Variants in NAALADL2 observed in about 807,000 individuals in gnomAD.
The protein encoded by NAALADL2 is inactive N-acetylated-alpha-linked acidic dipeptidase-like protein 2.
Under a neutral mutation model 87.2 loss-of-function variants are expected in NAALADL2, and 76 were observed. The observed-to-expected ratio is 0.87, with a 90% confidence interval of 0.72 to 1.05. NAALADL2 has a LOEUF of 1.05. Among genes scored for constraint, NAALADL2 ranks in the 50% least tolerant of loss-of-function variants. The probability of loss-of-function intolerance (pLI) is 0.00; values close to 1 mark genes in which losing one functional copy is unlikely to be tolerated. For missense variants in NAALADL2, 1,089 were observed against 945.8 expected (o/e 1.15, Z -1.99); for synonymous variants, 354 against 331.0 (o/e 1.07, Z -0.75).
rs565868861 is a variant in NAALADL2, at chr3:174,483,957, G to C, written c.-184+42925G>C. Among the ~76,000 whole-genome samples the C allele has an allele frequency of 4.6e-5, 7 of 152,118 alleles. No individual in the cohort carries two copies. In the South Asian group the frequency reaches 1.5e-3, roughly 32 times the overall value. ...AACAATAAAGACATTTTTGGTAATAGAGCTATGTACCTCAGAGATAATAGC... is the reference window on the plus strand; with the variant it reads ...AACAATAAAGACATTTTTGGTAATACAGCTATGTACCTCAGAGATAATAGC... On this transcript the variant is annotated intron_variant, in intron 1 of 3. Transcript: ENST00000434257.
At chr3:174,818,867 CA>C (rs1349987014) in intron 3 of NAALADL2, among the ~76,000 whole-genome samples, 1 of 152,000 alleles carries the variant, frequency 6.6e-6, no homozygotes, top group Non-Finnish European at 1.5e-5. Context: ...GGGGCTTAGG[CA>C]GGTTCTTAGC....
intron 2 of NAALADL2, among the ~76,000 whole-genome samples, chr3:175,155,992 A>T (rs973398867): frequency 6.6e-6 from 1 of 152,184 alleles, no homozygotes; most frequent in Admixed American, 6.6e-5. Context: ...AATTTAGCAA[A>T]CATTTTGAGG....
intron 3 of NAALADL2, among the ~76,000 whole-genome samples, chr3:174,828,661 C>G (rs1402264302): frequency 6.6e-6 from 1 of 152,154 alleles, no homozygotes; most frequent in Non-Finnish European, 1.5e-5. Context: ...ATTAGTGTGT[C>G]TTCTTTGAAT....
chr3:175,005,581 T>C lies in NAALADL2; in HGVS notation c.44-91209T>C, dbSNP rs1216408429. On this transcript the variant is annotated intron_variant, in intron 1 of 13. Coordinates refer to ENST00000454872, the MANE Select transcript of NAALADL2 (RefSeq NM_207015.3). Reference sequence around the variant, plus strand: ...ATAAAATATTGTAAGGTCTGTAGTCTACACAAATGCAAAGTATAAGGGGCA... The same window carrying C: ...ATAAAATATTGTAAGGTCTGTAGTCCACACAAATGCAAAGTATAAGGGGCA... Among the ~76,000 whole-genome samples, 3 of 152,270 alleles carry C rather than the reference T, an allele frequency of 2.0e-5. No homozygotes were observed. The South Asian group carries it at 6.2e-4, about 32-fold the overall frequency.
intron 2 of NAALADL2, among the ~76,000 whole-genome samples, chr3:175,135,973 T>C (rs1445637700): frequency 6.6e-6 from 1 of 152,202 alleles, no homozygotes; most frequent in African/African-American, 2.4e-5. Flanking sequence ...GTAAATTATA[T>C]GCAGACCCAA....
chr3:175,248,755 T>G (rs1423071551), intron 3 of NAALADL2, among the ~76,000 whole-genome samples: 1 of 152,228 alleles, frequency 6.6e-6, no homozygotes, highest in Admixed American at 6.5e-5. Context: ...ATGCCACATC[T>G]GTACATAAAT....
chr3:175,804,130 G>A lies in NAALADL2; in HGVS notation c.*927G>A, dbSNP rs187847431. On this transcript the variant is annotated 3_prime_UTR_variant, in exon 14 of 14. Transcript: ENST00000454872. ...AGTACTATATATTTTCAACAGTAAA[G>A]TAGCAGAGTTTCTCTTTGAAACCCA... 141 of 152,006 alleles carry A rather than the reference G, an allele frequency of 9.3e-4. 1 individual carries two copies. The highest frequency in any genetic ancestry group is 3.2e-3 in the African/African-American group (131 of 41,528). The allele number at this position is 152,006 out of a possible 1,614,324, so 9.4% of individuals were successfully genotyped here.
chr3:174,885,605 G>C (rs1222257119), intron 1 of NAALADL2, among the ~76,000 whole-genome samples: 1 of 152,050 alleles, frequency 6.6e-6, no homozygotes, highest in Non-Finnish European at 1.5e-5. Flanking sequence ...TAGAAGTAGA[G>C]TTCTTTGCAT....
At chr3:174,726,765 C>T (rs1293307043) in intron 2 of NAALADL2, among the ~76,000 whole-genome samples, 2 of 152,080 alleles carry the variant, frequency 1.3e-5, no homozygotes, top group Admixed American at 1.3e-4. Flanking sequence ...CTCAGTGGCT[C>T]ATCTTCACTG....
intron 2 of NAALADL2, among the ~76,000 whole-genome samples, chr3:175,107,285 C>A (rs1723331191): frequency 6.6e-6 from 1 of 151,958 alleles, no homozygotes; most frequent in Admixed American, 6.6e-5. Context: ...GTGGGTAAGG[C>A]TCATCCAATC....
At chr3:175,324,457 C>G (rs1760433678) in intron 5 of NAALADL2, 132 bp downstream of exon 5, 1 of 713,490 alleles carries the variant, frequency 1.4e-6, no homozygotes, top group Non-Finnish European at 2.2e-6. Flanking sequence ...TTTTAAAAAG[C>G]AATTTATTTT....
At chr3:174,811,293 A>T (rs1280561073) in intron 3 of NAALADL2, among the ~76,000 whole-genome samples, 1 of 152,164 alleles carries the variant, frequency 6.6e-6, no homozygotes, top group African/African-American at 2.4e-5. Flanking sequence ...GGCACCTTGC[A>T]CCTGGAAAAG....
chr3:174,572,316 G>GA (rs1431036505), intron 2 of NAALADL2, among the ~76,000 whole-genome samples: 2 of 151,644 alleles, frequency 1.3e-5, no homozygotes, highest in Admixed American at 6.6e-5. Context: ...TATGGAGGTT[G>GA]AAAAAAAATT....
chr3:175,321,737 ATTGCT>A (rs1396066394), intron 4 of NAALADL2, among the ~76,000 whole-genome samples: 1 of 125,304 alleles, frequency 8.0e-6, no homozygotes, highest in Non-Finnish European at 1.7e-5. Flanking sequence ...CCCATTCACA[ATTGCT>A]TCCAAGAGAA....
chr3:174,537,039 T>A (rs190990913), intron 1 of NAALADL2, among the ~76,000 whole-genome samples: 129 of 152,282 alleles, frequency 8.5e-4, no homozygotes, highest in Non-Finnish European at 1.8e-3. Flanking sequence ...GTCATATGAT[T>A]TATATGTAAT....
At chr3:175,162,382 A>C (rs1315657805) in intron 2 of NAALADL2, among the ~76,000 whole-genome samples, 1 of 152,150 alleles carries the variant, frequency 6.6e-6, no homozygotes, top group Non-Finnish European at 1.5e-5. Flanking sequence ...TGCAAACTAC[A>C]GGTTGAAGTC....
At chr3:174,926,232 T>C (rs1009036247) in intron 1 of NAALADL2, among the ~76,000 whole-genome samples, 29 of 152,266 alleles carry the variant, frequency 1.9e-4, no homozygotes, top group Admixed American at 1.7e-3. Context: ...CTACATCTGA[T>C]TGGTGTACCT....
chr3:174,673,742 A>G (rs1230372349), intron 2 of NAALADL2, among the ~76,000 whole-genome samples: 3 of 152,038 alleles, frequency 2.0e-5, no homozygotes, highest in Admixed American at 2.0e-4. Context: ...GGCTAGCACA[A>G]TAGGGTGACT....
intron 2 of NAALADL2, among the ~76,000 whole-genome samples, chr3:175,164,239 A>C (rs953017658): frequency 6.6e-6 from 1 of 151,974 alleles, no homozygotes; most frequent in Non-Finnish European, 1.5e-5. Flanking sequence ...ACGCATTTTT[A>C]TTCCCCATTA....
Sources: gnomAD v4.1 joint callset for allele counts (sites outside exome capture counted in the v4.1 genomes callset) on GRCh38, gnomAD v4.1.1 for gene constraint, MANE v1.5 for transcripts, NCBI Gene and HGNC (gene_info 2026-07-23, HGNC 2026-07-21) for gene names.